The following SIM2 variants were observed in gnomAD, a reference collection of about 807,000 sequenced individuals.
SIM2 encodes single-minded homolog 2.
SIM2 carries 28 observed loss-of-function variants against 64.8 expected under a neutral mutation model. The ratio of observed to expected loss-of-function variants is 0.43; its 90% CI spans 0.32 to 0.59. The LOEUF (loss-of-function observed/expected upper bound fraction) is 0.59. SIM2 is among the 20% of genes least tolerant of loss of function. The pLI is 0.07. For synonymous variants in SIM2, 408 were observed against 391.1 expected (o/e 1.04, Z -0.51); for missense variants, 847 against 871.4 (o/e 0.97, Z 0.35).
At chr21:36,741,292 AACTG>A (rs960714140) in intron 7 of SIM2, among the ~76,000 whole-genome samples, 5 of 152,238 alleles carry the variant, frequency 3.3e-5, no homozygotes, top group African/African-American at 9.6e-5. Flanking sequence ...GAATGCACTT[AACTG>A]ACTACTTTGT....
chr21:36,717,410 A>G (rs2088761112), intron 3 of SIM2, among the ~76,000 whole-genome samples: 1 of 150,872 alleles, frequency 6.6e-6, no homozygotes, highest in Non-Finnish European at 1.5e-5. Context: ...AACTGTTGAA[A>G]TTGTGAGTCA....
Position 36,745,555 on chromosome 21 carries a change from C to T in SIM2, c.1576+419C>T. 1 of 1,114,512 alleles carries T rather than the reference C, an allele frequency of 9.0e-7. No homozygotes were observed. Among genetic ancestry groups the T allele is most frequent in the Non-Finnish European group, 1.1e-6 (1 of 900,390 alleles). 69.0% of individuals were successfully genotyped at this position (1,114,512 alleles called of 1,614,324 possible). On this transcript the variant is annotated intron_variant, in intron 10 of 10. Coordinates refer to ENST00000290399, the MANE Select transcript of SIM2 (RefSeq NM_005069.6). The surrounding 1 kb of genome is among the most constrained non-coding windows in gnomAD (Gnocchi z 4.8). ...AGACAAACGGCCTATTGGCTATTTT[C>T]CCATGCCAGTTTTGGAAGTGGGGAA...
chr21:36,728,550 T>C (rs537736308), intron 6 of SIM2, among the ~76,000 whole-genome samples: 1 of 152,308 alleles, frequency 6.6e-6, no homozygotes, highest in Admixed American at 6.5e-5. Flanking sequence ...ACATCCTGCC[T>C]CTCCCAGATC....
intron 9 of SIM2, 42 bp downstream of exon 9, chr21:36,743,597 C>CCTAGGGGTTCGGGA (rs2089192352): frequency 6.3e-7 from 1 of 1,584,796 alleles, no homozygotes; most frequent in South Asian, 1.1e-5. Context: ...TGACATCTAT[C>CCTAGGGGTTCGGGA]CTAGGGGTTC....
chr21:36,719,788 G>A (rs750617120), intron 3 of SIM2, 33 bp from the exon 4 acceptor site: 23 of 1,306,852 alleles, frequency 1.8e-5, no homozygotes, highest in East Asian at 6.9e-5. Flanking sequence ...CCAGAGAGGC[G>A]GTGGCATTTC....
At chr21:36,727,436 A>G (rs578128008) in intron 6 of SIM2, among the ~76,000 whole-genome samples, 1 of 152,186 alleles carries the variant, frequency 6.6e-6, no homozygotes, top group East Asian at 1.9e-4. Context: ...ACACATGTCC[A>G]CTCTGTGGAA....
chr21:36,717,774 A>G (rs1601693706), intron 3 of SIM2, among the ~76,000 whole-genome samples: 1 of 152,176 alleles, frequency 6.6e-6, no homozygotes, highest in Admixed American at 6.5e-5. Flanking sequence ...CCGCACCTGG[A>G]CAGGCCTTCC....
At chr21:36,704,681 G>A (rs2088554262) in intron 1 of SIM2, among the ~76,000 whole-genome samples, 1 of 152,186 alleles carries the variant, frequency 6.6e-6, no homozygotes, top group Admixed American at 6.5e-5. Flanking sequence ...GGCGGCGTCC[G>A]AACTCCCCAG....
At chr21:36,721,328 G>A (rs146121771) in intron 4 of SIM2, among the ~76,000 whole-genome samples, 67 of 152,270 alleles carry the variant, frequency 4.4e-4, no homozygotes, top group African/African-American at 1.5e-3. Context: ...CACCTGAATC[G>A]AATTCTTTCA....
intron 4 of SIM2, among the ~76,000 whole-genome samples, chr21:36,721,119 T>A (rs1197273724): frequency 6.6e-6 from 1 of 152,170 alleles, no homozygotes; most frequent in East Asian, 1.9e-4. Context: ...GCCCGCAAGT[T>A]CCAGCTCCAG....
rs2088678834 is a variant in SIM2, at chr21:36,711,648, AT to A, written c.259-879del. ...TTGTGGCCAGAAATTAATTTGGAAT[AT>A]TTTTTATGGGGGCAACATTGTGGGT... On this transcript the variant is annotated intron_variant, in intron 2 of 10. Transcript: ENST00000290399. 2.0e-5 allele frequency among the ~76,000 whole-genome samples: 3 copies of A among 152,282 alleles called. No individual in the cohort carries two copies. In the South Asian group the frequency reaches 6.2e-4, roughly 32 times the overall value.
intron 7 of SIM2, among the ~76,000 whole-genome samples, chr21:36,740,009 G>GAGAAAGAAAGAAAGAAAGAAAGAA (rs71840582): frequency 5.3e-5 from 7 of 131,234 alleles, no homozygotes; most frequent in African/African-American, 2.1e-4. Context: ...GAAAGAAAGA[G>GAGAAAGAAAGAAAGAAAGAAAGAA]AGAAAGAAAG....
intron 3 of SIM2, among the ~76,000 whole-genome samples, chr21:36,714,583 T>C (rs1415254064): frequency 1.3e-5 from 2 of 152,136 alleles, no homozygotes; most frequent in Admixed American, 6.5e-5. Context: ...AATCCAGGCA[T>C]ACCCACAGTT....
chr21:36,703,890 C>A (rs770147911), intron 1 of SIM2, among the ~76,000 whole-genome samples: 1 of 152,242 alleles, frequency 6.6e-6, no homozygotes, highest in East Asian at 1.9e-4. Context: ...CTCTGCCCAT[C>A]GGAGGTCAGA....
At chr21:36,700,651 C>T (rs2088478565) in intron 1 of SIM2, among the ~76,000 whole-genome samples, 1 of 152,174 alleles carries the variant, frequency 6.6e-6, no homozygotes, top group Non-Finnish European at 1.5e-5. Flanking sequence ...CACGGTGAGG[C>T]CCAAGCACTG....
chr21:36,731,174 C>G (rs370067255), intron 7 of SIM2, 23 bp downstream of exon 7: 1 of 1,586,116 alleles, frequency 6.3e-7, no homozygotes, highest in African/African-American at 1.3e-5. Flanking sequence ...CCCACCCCAG[C>G]CACGGGAGGT....
intron 1 of SIM2, among the ~76,000 whole-genome samples, chr21:36,703,302 G>C (rs141092374): frequency 1.3e-5 from 2 of 152,212 alleles, no homozygotes; most frequent in East Asian, 1.9e-4. Flanking sequence ...TTTACAGCGA[G>C]GTTTGAGGCC....
At chr21:36,707,932 G>C (rs2088609250) in intron 1 of SIM2, among the ~76,000 whole-genome samples, 1 of 152,034 alleles carries the variant, frequency 6.6e-6, no homozygotes, top group Non-Finnish European at 1.5e-5. Context: ...CCGCACTCAG[G>C]ACGGCAGTGG....
Position 36,726,806 on chromosome 21 carries a change from C to T in SIM2, c.743+488C>T, listed in dbSNP as rs1481417675. 3.3e-5 allele frequency among the ~76,000 whole-genome samples: 5 copies of T among 152,070 alleles called. No individual in the cohort carries two copies. The highest frequency in any genetic ancestry group is 2.1e-4 in the South Asian group (1 of 4,824). ...ACAGGGCTGAGGCTGGGAGCAGAGACGCTATCTACCCTGGGGGATGCTCTT... is the reference window on the plus strand; with the variant it reads ...ACAGGGCTGAGGCTGGGAGCAGAGATGCTATCTACCCTGGGGGATGCTCTT... On this transcript the variant is annotated intron_variant, in intron 6 of 10. Transcript: ENST00000290399. This position sits in a 1 kb window ranked among gnomAD's most constrained non-coding sequence, Gnocchi z 4.5.
Sources: allele counts gnomAD v4.1 joint callset (sites outside exome capture counted in the v4.1 genomes callset), GRCh38; gene constraint gnomAD v4.1.1; non-coding constraint Gnocchi (gnomAD v3.1); transcripts MANE v1.5; gene names NCBI Gene and HGNC (gene_info 2026-07-23, HGNC 2026-07-21).